RILPL1: variants seen among roughly 807,000 people sequenced by gnomAD.
RILPL1 encodes the protein RILP-like protein 1.
In RILPL1, 33 loss-of-function variants were observed where a neutral mutation model predicts 50.3. The observed-to-expected ratio is 0.66, with a 90% CI of 0.50 to 0.88. RILPL1 has a LOEUF of 0.88. RILPL1 is among the 40% of genes least tolerant of loss of function. RILPL1 has a pLI of 0.00. For synonymous variants in RILPL1, 205 were observed against 228.6 expected (o/e 0.90, Z 0.93); for missense variants, 418 against 542.5 (o/e 0.77, Z 2.28).
intron 6 of RILPL1, among the ~76,000 whole-genome samples, chr12:123,481,225 C>A (rs1414024910): frequency 6.6e-6 from 1 of 152,054 alleles, no homozygotes; most frequent in Non-Finnish European, 1.5e-5. Flanking sequence ...GGCGTAGAGG[C>A]AGATGCCTCT....
chr12:123,479,720 C>T (rs936163344), intron 6 of RILPL1, among the ~76,000 whole-genome samples: 3 of 152,234 alleles, frequency 2.0e-5, no homozygotes, highest in African/African-American at 7.2e-5. Flanking sequence ...GTCACCCGCA[C>T]CCTGTGGCTG....
At position 123,481,776 on chromosome 12, in the gene RILPL1, C is replaced by G. The variant is rs1593536409; in HGVS notation, c.1067+2404G>C. ...TTCTCCGTATTGGTCAGGCTGGTCT[C>G]AAACTCCCGACCTCAGCTGATCCAC... On this transcript the variant is annotated intron_variant, in intron 6 of 6. Transcript: ENST00000376874. 6.6e-5 allele frequency among the ~76,000 whole-genome samples: 10 copies of G among 151,598 alleles called. No homozygotes were observed. The South Asian group carries it at 1.9e-3, about 28-fold the overall frequency.
At chr12:123,493,853 C>T (rs1475243555) in intron 4 of RILPL1, among the ~76,000 whole-genome samples, 3 of 149,500 alleles carry the variant, frequency 2.0e-5, no homozygotes, top group East Asian at 2.0e-4. Flanking sequence ...GGCTTGATCT[C>T]GGCTCAATGC....
chr12:123,530,892 T>G (rs1391764407), intron 1 of RILPL1, among the ~76,000 whole-genome samples: 1 of 151,922 alleles, frequency 6.6e-6, no homozygotes, highest in Non-Finnish European at 1.5e-5. Context: ...ATCTGAGTGA[T>G]GAGTGGAAGT....
At chr12:123,521,686 CACACATATATGTATAT>C (rs1885057903) in intron 2 of RILPL1, among the ~76,000 whole-genome samples, 1 of 24,792 alleles carries the variant, frequency 4.0e-5, no homozygotes, top group Admixed American at 5.4e-4. Context: ...TATATATATA[CACACATATATGTATAT>C]ATATATAAAT....
rs1882257274 is a variant in RILPL1 at position 123,485,351 on chromosome 12, G to T, written c.974+282C>A. On this transcript the variant is annotated intron_variant, in intron 5 of 6. Transcript: ENST00000376874. This position sits in a 1 kb window ranked among gnomAD's most constrained non-coding sequence, Gnocchi z 4.0. ...AAAAAAAGAGATGAGGTCTCGCTTT[G>T]TTGCCCAGGCTAGTCTCGAATGCCT... The T allele has an allele frequency of 5.7e-6, 3 of 526,482 alleles. No individual in the cohort carries two copies. Among genetic ancestry groups the T allele is most frequent in the Admixed American group, 2.6e-5 (1 of 38,442 alleles). 32.6% of individuals were successfully genotyped at this position (526,482 alleles called of 1,614,324 possible). A position where few individuals can be genotyped will look rare whatever the true frequency, so the allele number is the denominator to read the frequency against.
rs1003817907 is a variant in RILPL1 at position 123,533,326 on chromosome 12, G to C, written c.157C>G (p.Leu53Val). ...AGGACGCGCACGACCTTGGGCATGA[G>C]GCGCGCGATGGCCTCGCAGCCGTGC... The part of the protein sequence containing the change: ...DQHGCEAIAR[L>V]MPKVVRVLEI... The change falls in exon 1 of 7, where the codon CTC becomes GTC. Residue 53 changes from leucine (L) to valine (V), a missense_variant. Coordinates refer to ENST00000376874, the MANE Select transcript of RILPL1 (RefSeq NM_178314.5). The surrounding 1 kb of genome is among the most constrained non-coding windows in gnomAD (Gnocchi z 6.2). 1.3e-6 allele frequency: 2 copies of C among 1,582,890 alleles called. No individual in the cohort carries two copies. Among genetic ancestry groups the C allele is most frequent in the African/African-American group, 2.7e-5 (2 of 74,250 alleles).
At chr12:123,480,795 C>T (rs202076168) in intron 6 of RILPL1, among the ~76,000 whole-genome samples, 1 of 152,122 alleles carries the variant, frequency 6.6e-6, no homozygotes, top group Non-Finnish European at 1.5e-5. Flanking sequence ...GTGAGGCTAC[C>T]GTGGGCACCC....
intron 6 of RILPL1, among the ~76,000 whole-genome samples, chr12:123,479,389 C>T (rs1356206199): frequency 1.3e-5 from 2 of 152,096 alleles, no homozygotes; most frequent in African/African-American, 4.8e-5. Context: ...GAAGAGCCGC[C>T]CTGAGCAGAC....
At chr12:123,496,686 C>T (rs894109274) in intron 4 of RILPL1, among the ~76,000 whole-genome samples, 1 of 152,194 alleles carries the variant, frequency 6.6e-6, no homozygotes, top group African/African-American at 2.4e-5. Context: ...CCCTGAAACC[C>T]CACCTCCCCA....
intron 4 of RILPL1, among the ~76,000 whole-genome samples, chr12:123,492,111 T>C (rs1400961232): frequency 6.6e-6 from 1 of 151,644 alleles, no homozygotes; most frequent in Admixed American, 6.6e-5. Flanking sequence ...CTGTCTCTAC[T>C]AAAAATACAA....
rs554729680 is a variant in RILPL1 at position 123,492,899 on chromosome 12, C to A, written c.801+5645G>T. ...CATGCTCCCAGAGACACAAACACTG[C>A]GGAAGGCCACAGGGACTTCTGCCTA... On this transcript the variant is annotated intron_variant, in intron 4 of 6. Transcript: ENST00000376874. 9.9e-5 allele frequency among the ~76,000 whole-genome samples: 15 copies of A among 152,266 alleles called. No homozygotes were observed. The South Asian group carries it at 1.7e-3, about 17-fold the overall frequency.
chr12:123,517,073 A>C (rs1054963906), intron 2 of RILPL1, among the ~76,000 whole-genome samples: 1 of 152,136 alleles, frequency 6.6e-6, no homozygotes, highest in African/African-American at 2.4e-5. Context: ...GTCTCAAAAC[A>C]AAAAACAAAC....
In RILPL1 at chr12:123,485,295, C is replaced by G. The variant is rs2139318288; in HGVS notation, c.974+338G>C. Reference sequence around the variant, plus strand: ...AAAAGGGCCACATAGACCATTAACACCGGGGCCGGGTTTCATTCATTCATT... The same window carrying G: ...AAAAGGGCCACATAGACCATTAACAGCGGGGCCGGGTTTCATTCATTCATT... On this transcript the variant is annotated intron_variant, in intron 5 of 6. Coordinates refer to ENST00000376874, the MANE Select transcript of RILPL1 (RefSeq NM_178314.5). The surrounding 1 kb of genome is among the most constrained non-coding windows in gnomAD (Gnocchi z 4.0). 2.2e-6 allele frequency: 1 copy of G among 459,392 alleles called. No individual in the cohort carries two copies. Among genetic ancestry groups the G allele is most frequent in the South Asian group, 1.6e-5 (1 of 63,236 alleles). The allele number at this position is 459,392 out of a possible 1,614,324, so 28.5% of individuals were successfully genotyped here. A position where few individuals can be genotyped will look rare whatever the true frequency, so the allele number is the denominator to read the frequency against.
chr12:123,502,901 T>C (rs981241917), intron 2 of RILPL1, among the ~76,000 whole-genome samples: 1 of 152,136 alleles, frequency 6.6e-6, no homozygotes, highest in African/African-American at 2.4e-5. Flanking sequence ...TTTTTTTTCT[T>C]TTTTGAGACA....
chr12:123,503,224 A>C (rs967333339), intron 2 of RILPL1, among the ~76,000 whole-genome samples: 2 of 79,756 alleles, frequency 2.5e-5, no homozygotes, highest in Non-Finnish European at 5.0e-5. Flanking sequence ...TTTTTGAGAC[A>C]GAGTCTCACT....
At chr12:123,521,722 C>T (rs34944476) in intron 2 of RILPL1, among the ~76,000 whole-genome samples, 21,226 of 104,756 alleles carry the variant, frequency 0.2, 4,325 homozygotes, top group African/African-American at 0.34. Flanking sequence ...TATATATATA[C>T]ACACATATAT....
At chr12:123,500,412 T>C (rs904925602) in intron 2 of RILPL1, among the ~76,000 whole-genome samples, 3 of 151,346 alleles carry the variant, frequency 2.0e-5, no homozygotes, top group African/African-American at 7.3e-5. Flanking sequence ...GCCTCCCAAG[T>C]AGCTCGAGGC....
At chr12:123,505,526 C>T (rs958735528) in intron 2 of RILPL1, among the ~76,000 whole-genome samples, 1 of 152,192 alleles carries the variant, frequency 6.6e-6, no homozygotes, top group Non-Finnish European at 1.5e-5. Flanking sequence ...CTGTGTTACC[C>T]AGGCTGGTCT....
Sources: gnomAD v4.1 joint callset for allele counts (sites outside exome capture counted in the v4.1 genomes callset) on GRCh38, gnomAD v4.1.1 for gene constraint, Gnocchi (gnomAD v3.1) non-coding constraint, MANE v1.5 for transcripts, NCBI Gene and HGNC (gene_info 2026-07-23, HGNC 2026-07-21) for gene names.